The following SULT1E1 variants were observed in gnomAD, a reference collection of about 807,000 sequenced individuals.
SULT1E1 encodes the protein sulfotransferase 1E1.
SULT1E1 carries 36 observed loss-of-function variants against 33.6 expected under a neutral mutation model. That is an observed-to-expected ratio of 1.07 (90% CI 0.82 to 1.41). The LOEUF (loss-of-function observed/expected upper bound fraction) is 1.41, where lower values mean the gene tolerates loss of function less well. SULT1E1 is among the 40% of genes most tolerant of loss of function. The probability of loss-of-function intolerance (pLI) is 0.00; values close to 1 mark genes in which losing one functional copy is unlikely to be tolerated. For missense variants in SULT1E1, 371 were observed against 345.7 expected (o/e 1.07, Z -0.58); for synonymous variants, 121 against 111.7 (o/e 1.08, Z -0.53).
At chr4:69,854,024 A>C (rs1224042328) in intron 4 of SULT1E1, among the ~76,000 whole-genome samples, 193 bp downstream of exon 4, 4 of 152,142 alleles carry the variant, frequency 2.6e-5, no homozygotes, top group Admixed American at 2.6e-4. Context: ...ACTTTTTAGA[A>C]CCACATCTGG....
chr4:69,831,174 G>T, the SULT1E1 span, among the ~76,000 whole-genome samples: 2 of 152,210 alleles, frequency 1.3e-5, no homozygotes, highest in African/African-American at 4.8e-5. Flanking sequence ...TCTTGGTAAA[G>T]GGGGGTTGAT....
Position 69,841,857 on chromosome 4 carries a change from A to AT in SULT1E1, c.*136_*137insA. ...CTCTGTCTCAAAAAAAAAAAAAAAAAGTTAAACAAAAATTTAAAAAGAAAA... is the reference window on the plus strand; with the variant it reads ...CTCTGTCTCAAAAAAAAAAAAAAAAATGTTAAACAAAAATTTAAAAAGAAAA... On this transcript the variant is annotated 3_prime_UTR_variant, in exon 8 of 8. Transcript: ENST00000226444. 5.6e-6 allele frequency: 3 copies of AT among 539,596 alleles called. No individual in the cohort carries two copies. Among genetic ancestry groups the AT allele is most frequent in the South Asian group, 2.5e-5 (1 of 39,906 alleles). The allele number at this position is 539,596 out of a possible 1,614,324, so 33.4% of individuals were successfully genotyped here.
chr4:69,856,935 CAAAAAAAAAAAA>C (rs11464421), intron 2 of SULT1E1, among the ~76,000 whole-genome samples: 2 of 59,230 alleles, frequency 3.4e-5, no homozygotes, highest in South Asian at 9.5e-4. Context: ...GACTCCGTCT[CAAAAAAAAAAAA>C]AAAAAAAAAA....
intron 2 of SULT1E1, among the ~76,000 whole-genome samples, chr4:69,856,256 G>A (rs11573756): frequency 5.1e-4 from 77 of 152,300 alleles, no homozygotes; most frequent in African/African-American, 1.8e-3. Context: ...GCTCAGGCAA[G>A]CAGATAACAA....
chr4:69,821,177 A>ATC, the SULT1E1 span, among the ~76,000 whole-genome samples: 2 of 152,322 alleles, frequency 1.3e-5, no homozygotes, highest in East Asian at 3.9e-4. Context: ...CATCAGTTAA[A>ATC]ACACTGTTTT....
intron 3 of SULT1E1, 39 bp from the exon 4 acceptor site, chr4:69,854,353 A>G: frequency 7.7e-7 from 1 of 1,305,390 alleles, no homozygotes; most frequent in South Asian, 1.3e-5. Flanking sequence ...AACTTCAAAA[A>G]TTGTAACTAT....
the SULT1E1 span, among the ~76,000 whole-genome samples, chr4:69,826,262 G>A: frequency 6.6e-6 from 1 of 152,120 alleles, no homozygotes; most frequent in Non-Finnish European, 1.5e-5. Context: ...AATACTAACA[G>A]GAGAATGCTT....
chr4:69,846,208 TACTTA>T (rs1004303336), intron 6 of SULT1E1, among the ~76,000 whole-genome samples: 2 of 148,536 alleles, frequency 1.3e-5, no homozygotes, highest in Admixed American at 6.7e-5. Flanking sequence ...TATTACCTAC[TACTTA>T]ACTTATGAAA....
Position 69,847,699 on chromosome 4 carries a change from T to G in SULT1E1, c.590A>C (p.Glu197Ala). The change falls in exon 6 of 8, where the codon GAG becomes GCG. Residue 197 changes from glutamate (E) to alanine (A), a missense_variant and splice_region_variant. Glu to Ala is a moderately radical substitution (Grantham distance 107, BLOSUM62 -1). Transcript: ENST00000226444. ...GCTTATGTGTTCCCAGTTCCTCACC[T>G]CTTTCAGGTCTTCGTAGAAAAGAAA... is the stretch of plus-strand genomic sequence containing the variant. ...VLFLFYEDLK[E>A]DIRKEVIKLI... is the part of the protein sequence containing the mutation. The G allele has an allele frequency of 6.3e-7, 1 of 1,596,744 alleles. No individual in the cohort carries two copies. The highest frequency in any genetic ancestry group is 8.5e-7 in the Non-Finnish European group (1 of 1,170,124).
chr4:69,821,888 T>C, the SULT1E1 span, among the ~76,000 whole-genome samples: 15 of 152,334 alleles, frequency 9.8e-5, no homozygotes, highest in African/African-American at 3.4e-4. Flanking sequence ...CTCATAACCA[T>C]TACATTGAGG....
chr4:69,856,662 C>T (rs1198738006), intron 2 of SULT1E1, among the ~76,000 whole-genome samples: 1 of 151,890 alleles, frequency 6.6e-6, no homozygotes, highest in Non-Finnish European at 1.5e-5. Flanking sequence ...CGGCCGGGCG[C>T]GGTGGCTCAC....
chr4:69,860,063 C>G lies in SULT1E1; in HGVS notation c.-24G>C, dbSNP rs1240591038. 6.6e-6 allele frequency: 1 copy of G among 151,860 alleles called. No homozygotes were observed. The highest frequency in any genetic ancestry group is 2.4e-5 in the African/African-American group (1 of 41,350). 9.4% of individuals were successfully genotyped at this position (151,860 alleles called of 1,614,324 possible). On this transcript the variant is annotated 5_prime_UTR_variant, in exon 1 of 8. Coordinates refer to ENST00000226444, the MANE Select transcript of SULT1E1 (RefSeq NM_005420.3). Reference sequence around the variant, plus strand: ...AAAAGTACAACCTGTTTAGTTGATCCTGTGAAAGAAATTGATCTAGTTTAT... The same window carrying G: ...AAAAGTACAACCTGTTTAGTTGATCGTGTGAAAGAAATTGATCTAGTTTAT...
At chr4:69,857,300 T>C (rs536148896) in intron 2 of SULT1E1, among the ~76,000 whole-genome samples, 200 bp downstream of exon 2, 2 of 152,302 alleles carry the variant, frequency 1.3e-5, no homozygotes, top group Non-Finnish European at 2.9e-5. Flanking sequence ...CTCAACAACA[T>C]CCATTTCTCA....
At chr4:69,842,749 G>C (rs971150953) in intron 7 of SULT1E1, among the ~76,000 whole-genome samples, 3 of 151,928 alleles carry the variant, frequency 2.0e-5, no homozygotes, top group African/African-American at 4.8e-5. Flanking sequence ...TTCTCATCTG[G>C]GTAATTATAA....
the SULT1E1 span, among the ~76,000 whole-genome samples, chr4:69,828,597 C>T: frequency 1.2e-4 from 18 of 152,196 alleles, no homozygotes; most frequent in African/African-American, 3.4e-4. Context: ...TGCAAGCTTC[C>T]GTGGCTTCAT....
downstream of SULT1E1, among the ~76,000 whole-genome samples, chr4:69,839,983 T>A (rs917821050): frequency 6.6e-6 from 1 of 152,346 alleles, no homozygotes; most frequent in East Asian, 1.9e-4. Flanking sequence ...ACGTCAATTA[T>A]AATGTGGGCA....
At chr4:69,838,110 C>T (rs999516422), downstream of SULT1E1, among the ~76,000 whole-genome samples, 2 of 152,020 alleles carry the variant, frequency 1.3e-5, no homozygotes, top group Non-Finnish European at 2.9e-5. Flanking sequence ...GTTGTAGAAT[C>T]TGTGGTTATA....
rs753348733 is a variant in SULT1E1 at position 69,849,580 on chromosome 4, G to C, written c.370-17C>G. On this transcript the variant is annotated splice_polypyrimidine_tract_variant and intron_variant, in intron 4 of 7. Coordinates refer to ENST00000226444, the MANE Select transcript of SULT1E1 (RefSeq NM_005420.3). The stretch of plus-strand genomic sequence containing the variant: ...ATAGATTATCTAAGAGGATGAAATT[G>C]TATATTAAACCACTTAACATTTTTT... The C allele has an allele frequency of 1.9e-6, 3 of 1,572,508 alleles. No individual in the cohort carries two copies. The Admixed American group carries it at 5.9e-5, about 31-fold the overall frequency.
chr4:69,832,548 G>A, the SULT1E1 span, among the ~76,000 whole-genome samples: 1 of 152,124 alleles, frequency 6.6e-6, no homozygotes, highest in Admixed American at 6.5e-5. Flanking sequence ...ACAGAAACAA[G>A]ACAAAGGCAC....
Sources: gnomAD v4.1 joint callset for allele counts (sites outside exome capture counted in the v4.1 genomes callset) on GRCh38, gnomAD v4.1.1 for gene constraint, MANE v1.5 for transcripts, NCBI Gene and HGNC (gene_info 2026-07-23, HGNC 2026-07-21) for gene names.